The following ENTR1 variants were observed in gnomAD, a reference collection of about 807,000 sequenced individuals.
The protein encoded by ENTR1 is endosome associated trafficking regulator 1, also known as endosome-associated-trafficking regulator 1.
In ENTR1, 47 loss-of-function variants were observed where a neutral mutation model predicts 47.9. The ratio of observed to expected loss-of-function variants is 0.98; its 90% CI spans 0.78 to 1.25. The LOEUF is 1.25. ENTR1 is among the 50% of genes most tolerant of loss of function. The pLI is 0.00. For synonymous variants in ENTR1, 290 were observed against 245.8 expected (o/e 1.18, Z -1.68); for missense variants, 668 against 570.5 (o/e 1.17, Z -1.74).
chr9:136,408,729 A>G (rs991599989), intron 3 of ENTR1, among the ~76,000 whole-genome samples: 3 of 151,946 alleles, frequency 2.0e-5, no homozygotes, highest in Non-Finnish European at 2.9e-5. Context: ...CCCTCCGGGG[A>G]CTTAAGCAGC....
intron 5 of ENTR1, chr9:136,406,814 T>A (rs1205287058): frequency 9.3e-6 from 2 of 215,860 alleles, no homozygotes; most frequent in Non-Finnish European, 1.9e-5. Flanking sequence ...TATAACCTTT[T>A]AGGTGATTAT....
At chr9:136,405,068 C>T (rs769365460) in intron 7 of ENTR1, 23 bp downstream of exon 7, 73 of 1,590,326 alleles carry the variant, frequency 4.6e-5, no homozygotes, top group African/African-American at 1.1e-4. Flanking sequence ...CCAGCTCGTC[C>T]GATTCAGAGA....
intron 6 of ENTR1, 57 bp downstream of exon 6, chr9:136,405,848 G>A (rs1651237771): frequency 8.4e-6 from 9 of 1,067,744 alleles, no homozygotes; most frequent in Admixed American, 4.6e-5. Context: ...ATTTAAAAAC[G>A]GATTTCCCTG....
intron 7 of ENTR1, 170 bp downstream of exon 7, chr9:136,404,921 C>A: frequency 1.5e-6 from 1 of 675,596 alleles, no homozygotes; most frequent in Non-Finnish European, 2.5e-6. Flanking sequence ...CCCTCGTGGG[C>A]CAGCTATCCC....
chr9:136,406,632 A>G (rs1180978096), intron 5 of ENTR1, among the ~76,000 whole-genome samples: 2 of 151,726 alleles, frequency 1.3e-5, no homozygotes, highest in Non-Finnish European at 2.9e-5. Context: ...GCCTGCCGCC[A>G]CGCCCAGCTA....
chr9:136,409,394 G>A (rs1834962778), intron 2 of ENTR1, among the ~76,000 whole-genome samples: 1 of 152,104 alleles, frequency 6.6e-6, no homozygotes, highest in Admixed American at 6.5e-5. Context: ...TGTTAGCCAG[G>A]ATGGTCTCAA....
rs537434098 is a variant in ENTR1, at chr9:136,407,505, G to A, written c.459C>T (p.Gly153=). 1.1e-5 allele frequency: 17 copies of A among 1,607,608 alleles called. No homozygotes were observed. The highest frequency in any genetic ancestry group is 3.3e-5 in the South Asian group (3 of 90,830). Residue 153 remains glycine, a synonymous_variant, in exon 5 of 10, where the codon GGC becomes GGT. Transcript: ENST00000357365. ...LDHNSPPSQT[G]GYGLEYQQPF... ...GCTGCTGATACTCCAGGCCATACCC[G>A]CCGGTTTGGGAGGGTGGGGAGTTGT...
Position 136,405,884 on chromosome 9 carries a change from CCTAA to C in ENTR1, c.893+17_893+20del, listed in dbSNP as rs1834739102. Reference sequence around the variant, plus strand: ...TGTATTAGATGTTGTGGATTGCATTCCTAACTAAAAGCTTACATACATTTCTGTT... The same window carrying C: ...TGTATTAGATGTTGTGGATTGCATTCCTAAAAGCTTACATACATTTCTGTT... On this transcript the variant is annotated intron_variant, in intron 6 of 9. Transcript: ENST00000357365. 15 of 1,507,160 alleles carry C rather than the reference CCTAA, an allele frequency of 1.0e-5. No individual in the cohort carries two copies. Among genetic ancestry groups the C allele is most frequent in the African/African-American group, 1.4e-5 (1 of 71,526 alleles). The allele number at this position is 1,507,160 out of a possible 1,614,324, so 93.4% of individuals were successfully genotyped here. A position where few individuals can be genotyped will look rare whatever the true frequency, so the allele number is the denominator to read the frequency against.
In ENTR1 at chr9:136,407,458, CCT is replaced by C. The variant is rs548334679; in HGVS notation, c.504_505del (p.Ala170TrpfsTer2). 1.2e-4 allele frequency: 199 copies of C among 1,611,148 alleles called. 1 individual carries two copies. Among genetic ancestry groups the C allele is most frequent in the South Asian group, 8.0e-4 (73 of 90,830 alleles). Reference sequence around the variant, plus strand: ...CTCCTCATCCAGGAGGTCACCAGCCCCTGTCGGATCCTCGAAAAATGGCTGCT... The same window carrying C: ...CTCCTCATCCAGGAGGTCACCAGCCCGTCGGATCCTCGAAAAATGGCTGCT... On this transcript the variant is annotated frameshift_variant, in exon 5 of 10. Transcript: ENST00000357365. LOFTEE classifies it high-confidence loss of function.
At chr9:136,409,209 C>G in intron 2 of ENTR1, 142 bp from the exon 3 acceptor site, 2 of 627,662 alleles carry the variant, frequency 3.2e-6, no homozygotes, top group Non-Finnish European at 5.5e-6. Flanking sequence ...GAGACGGAGT[C>G]TTGCTCTGTC....
Position 136,405,726 on chromosome 9 carries a change from G to A in ENTR1, c.893+179C>T, listed in dbSNP as rs367783792. Among the ~76,000 whole-genome samples the A allele has an allele frequency of 3.2e-4, 49 of 152,242 alleles. No individual in the cohort carries two copies. In the East Asian group the frequency reaches 5.0e-3, roughly 16 times the overall value. ...CACTGCACCCGAGCCTGGGTGACAC[G>A]GCAAGACTGTCTCAAAATAAACTTT... On this transcript the variant is annotated intron_variant, in intron 6 of 9. Coordinates refer to ENST00000357365, the MANE Select transcript of ENTR1 (RefSeq NM_001039707.2).
At chr9:136,408,957 G>T in intron 3 of ENTR1, 42 bp downstream of exon 3, 1 of 1,560,106 alleles carries the variant, frequency 6.4e-7, no homozygotes, top group Non-Finnish European at 8.8e-7. Context: ...CTGGCACTGT[G>T]TTGGATGGAG....
At chr9:136,408,133 C>A (rs531318134) in intron 3 of ENTR1, among the ~76,000 whole-genome samples, 195 bp from the exon 4 acceptor site, 13 of 152,234 alleles carry the variant, frequency 8.5e-5, no homozygotes, top group Admixed American at 2.6e-4. Flanking sequence ...CGTGCGTCTG[C>A]ATTTGCAATC....
chr9:136,409,308 G>C (rs1037930141), intron 2 of ENTR1, among the ~76,000 whole-genome samples: 2 of 152,004 alleles, frequency 1.3e-5, no homozygotes, highest in African/African-American at 2.4e-5. Flanking sequence ...ATCCTCCCGA[G>C]TAGCTGGGAC....
chr9:136,403,922 G>C, intron 9 of ENTR1, 133 bp downstream of exon 9: 1 of 1,052,800 alleles, frequency 9.5e-7, no homozygotes, highest in Non-Finnish European at 1.4e-6. Context: ...CACTGAGCAC[G>C]CGTCCCTCCC....
chr9:136,406,965 C>T, intron 5 of ENTR1, 180 bp downstream of exon 5: 1 of 627,954 alleles, frequency 1.6e-6, no homozygotes, highest in East Asian at 2.8e-5. Flanking sequence ...TTAGCCGGTT[C>T]TATTCCCACG....
chr9:136,405,453 C>A (rs573539321), intron 6 of ENTR1: 10 of 473,356 alleles, frequency 2.1e-5, no homozygotes, highest in South Asian at 2.0e-4. Context: ...TAAAATAAAC[C>A]TTGGCCAGGC....
intron 5 of ENTR1, 93 bp from the exon 6 acceptor site, chr9:136,406,071 G>C: frequency 1.2e-6 from 1 of 835,588 alleles, no homozygotes; most frequent in Non-Finnish European, 1.9e-6. Context: ...CTCCTGATAA[G>C]CAGAGATGCT....
At chr9:136,408,002 G>A (rs975167940) in intron 3 of ENTR1, 64 bp from the exon 4 acceptor site, 8 of 1,067,940 alleles carry the variant, frequency 7.5e-6, no homozygotes, top group African/African-American at 6.2e-5. Context: ...GAACCTTCCT[G>A]TTCACCTGTC....
Sources: allele counts gnomAD v4.1 joint callset (sites outside exome capture counted in the v4.1 genomes callset), GRCh38; gene constraint gnomAD v4.1.1; transcripts MANE v1.5; gene names NCBI Gene and HGNC (gene_info 2026-07-23, HGNC 2026-07-21).